PODXL2: variants seen among roughly 807,000 people sequenced by gnomAD.
The protein encoded by PODXL2 is podocalyxin like 2.
In PODXL2, 17 loss-of-function variants were observed where a neutral mutation model predicts 53.4. The ratio of observed to expected loss-of-function variants is 0.32; its 90% CI spans 0.22 to 0.48. The LOEUF (loss-of-function observed/expected upper bound fraction) is 0.48. PODXL2 is among the 20% of genes least tolerant of loss of function. The pLI, the probability that PODXL2 is intolerant of heterozygous loss-of-function variation, is 0.99. For synonymous variants in PODXL2, 311 were observed against 306.7 expected, an observed-to-expected ratio of 1.01 and a Z score of -0.15; for missense variants, 673 against 760.0, an observed-to-expected ratio of 0.89 and a Z score of 1.35.
In PODXL2 at chr3:127,671,421, C is replaced by T. The variant is rs2107547227; in HGVS notation, c.1426-13C>T. 6 of 1,612,216 alleles carry T rather than the reference C, an allele frequency of 3.7e-6. No individual in the cohort carries two copies. The highest frequency in any genetic ancestry group is 2.2e-5 in the East Asian group (1 of 44,816). On this transcript the variant is annotated splice_polypyrimidine_tract_variant and intron_variant, in intron 6 of 7. Coordinates refer to ENST00000342480, the MANE Select transcript of PODXL2 (RefSeq NM_015720.4). ...GGACCTCAGCTGAGGAAACTGGCCC[C>T]TCCCACCCCTAGATTGGCATCCAGA...
chr3:127,668,101 C>CGTGTGTGTGTGTGT (rs55716588), intron 4 of PODXL2, among the ~76,000 whole-genome samples: 1 of 145,758 alleles, frequency 6.9e-6, no homozygotes, highest in Admixed American at 6.8e-5. Context: ...TACATGGCTG[C>CGTGTGTGTGTGTGT]GTGTGTGTGT....
intron 1 of PODXL2, among the ~76,000 whole-genome samples, chr3:127,638,789 A>G (rs779840092): frequency 2.0e-5 from 3 of 152,228 alleles, no homozygotes; most frequent in Non-Finnish European, 4.4e-5. Context: ...TGATATTCAT[A>G]ATGCAGTTTT....
At chr3:127,646,281 T>A (rs1482501558) in intron 2 of PODXL2, among the ~76,000 whole-genome samples, 1 of 152,124 alleles carries the variant, frequency 6.6e-6, no homozygotes, top group Non-Finnish European at 1.5e-5. Flanking sequence ...GTTATTAGAC[T>A]CCAAAGCCTC....
intron 5 of PODXL2, 23 bp downstream of exon 5, chr3:127,668,620 A>G: frequency 1.3e-6 from 2 of 1,482,080 alleles, no homozygotes; most frequent in Non-Finnish European, 1.8e-6. Context: ...AGGTGATGGG[A>G]GGGCCCAGGA....
At chr3:127,640,273 G>A (rs1471764422) in intron 2 of PODXL2, among the ~76,000 whole-genome samples, 1 of 152,236 alleles carries the variant, frequency 6.6e-6, no homozygotes, top group Non-Finnish European at 1.5e-5. Context: ...GTGTGCACAT[G>A]GGGCAAGGTG....
intron 2 of PODXL2, among the ~76,000 whole-genome samples, chr3:127,651,644 G>C (rs1384768265): frequency 6.6e-6 from 1 of 152,246 alleles, no homozygotes; most frequent in African/African-American, 2.4e-5. Flanking sequence ...GGCCTCGTCA[G>C]GTAGCCTCCT....
intron 2 of PODXL2, among the ~76,000 whole-genome samples, chr3:127,653,312 C>G (rs1382005272): frequency 2.6e-4 from 40 of 152,288 alleles, no homozygotes. Context: ...TTTCTATTCC[C>G]CTCTTGACAG....
intron 2 of PODXL2, among the ~76,000 whole-genome samples, chr3:127,659,777 G>A (rs1323728484): frequency 1.3e-5 from 2 of 152,200 alleles, no homozygotes; most frequent in African/African-American, 4.8e-5. Context: ...GGGAGGCCCT[G>A]GAAAACTCTG....
intron 4 of PODXL2, 43 bp downstream of exon 4, chr3:127,662,354 G>A (rs775654618): frequency 6.5e-7 from 1 of 1,536,068 alleles, no homozygotes. Context: ...AAAGGCTGCA[G>A]GCAGTGGACA....
At chr3:127,661,785 T>A (rs1262310002) in intron 3 of PODXL2, among the ~76,000 whole-genome samples, 5 of 152,150 alleles carry the variant, frequency 3.3e-5, no homozygotes, top group Non-Finnish European at 7.4e-5. Flanking sequence ...AGCTAGTGGC[T>A]GACCTGTGCT....
intron 3 of PODXL2, 82 bp downstream of exon 3, chr3:127,661,241 G>A (rs920783810): frequency 9.3e-7 from 1 of 1,071,430 alleles, no homozygotes; most frequent in Admixed American, 2.2e-5. Context: ...TGGCATGGGG[G>A]CAGGATCTGC....
At chr3:127,661,233 G>T in intron 3 of PODXL2, 74 bp downstream of exon 3, 3 of 1,166,766 alleles carry the variant, frequency 2.6e-6, no homozygotes, top group Admixed American at 4.1e-5. Context: ...GGCTAGTGTG[G>T]CATGGGGGCA....
intron 4 of PODXL2, among the ~76,000 whole-genome samples, chr3:127,668,192 T>C (rs2074807079): frequency 1.3e-5 from 2 of 151,988 alleles, no homozygotes; most frequent in Non-Finnish European, 2.9e-5. Flanking sequence ...GACAGGCCCC[T>C]TGACTTTCTC....
At chr3:127,655,582 G>A (rs1334114630) in intron 2 of PODXL2, among the ~76,000 whole-genome samples, 1 of 152,198 alleles carries the variant, frequency 6.6e-6, no homozygotes, top group Non-Finnish European at 1.5e-5. Context: ...TAAGGAAAGG[G>A]AGACACATGG....
intron 1 of PODXL2, among the ~76,000 whole-genome samples, chr3:127,635,736 A>T (rs1279675878): frequency 6.6e-6 from 1 of 152,256 alleles, no homozygotes; most frequent in Admixed American, 6.5e-5. Context: ...ACAAGCCCTC[A>T]TGGTGATTCC....
chr3:127,636,401 G>GTCT (rs1264991920), intron 1 of PODXL2, among the ~76,000 whole-genome samples: 2 of 152,232 alleles, frequency 1.3e-5, no homozygotes, highest in East Asian at 3.8e-4. Flanking sequence ...TCATGGGAAA[G>GTCT]TCTTGAGCTA....
chr3:127,657,350 A>G (rs1479311783), intron 2 of PODXL2, among the ~76,000 whole-genome samples: 3 of 152,152 alleles, frequency 2.0e-5, no homozygotes, highest in Non-Finnish European at 4.4e-5. Flanking sequence ...TTCCTGCCAT[A>G]TCCTAGGCTG....
chr3:127,661,879 A>G (rs937680573), intron 3 of PODXL2, among the ~76,000 whole-genome samples: 2 of 152,048 alleles, frequency 1.3e-5, no homozygotes, highest in African/African-American at 4.8e-5. Flanking sequence ...ACACCCACTG[A>G]CACCGCAAGG....
At position 127,644,915 on chromosome 3, in the gene PODXL2, T is replaced by C. The variant is rs9810946; in HGVS notation, c.349+5392T>C. ...AGAGTTGCTTCAGTCCTGTCCCTCA[T>C]TGCTCCTCTCTTGACCTGTCCCCTC... On this transcript the variant is annotated intron_variant, in intron 2 of 7. Transcript: ENST00000342480. Among the ~76,000 whole-genome samples, 1,474 of 152,282 alleles carry C rather than the reference T, an allele frequency of 9.7e-3. 32 individuals carry two copies. Among genetic ancestry groups the C allele is most frequent in the African/African-American group, 0.033 (1,364 of 41,536 alleles).
Sources: gnomAD v4.1 joint callset for allele counts (sites outside exome capture counted in the v4.1 genomes callset) on GRCh38, gnomAD v4.1.1 for gene constraint, MANE v1.5 for transcripts, NCBI Gene and HGNC (gene_info 2026-07-23, HGNC 2026-07-21) for gene names.